The following CYTH3 variants were observed in gnomAD, a reference collection of about 807,000 sequenced individuals.
CYTH3 encodes the protein cytohesin-3.
A neutral mutation model predicts 55.1 loss-of-function variants in CYTH3; 23 were observed. The observed-to-expected ratio is 0.42, with a 90% confidence interval of 0.30 to 0.59. CYTH3 has a LOEUF of 0.59. Ranked by LOEUF, CYTH3 falls within the 20% of genes least tolerant of loss-of-function variation. The pLI, the probability that CYTH3 is intolerant of heterozygous loss-of-function variation, is 0.20. For synonymous variants in CYTH3, 249 were observed against 194.9 expected, an observed-to-expected ratio of 1.28 and a Z score of -2.31; for missense variants, 413 against 524.8, an observed-to-expected ratio of 0.79 and a Z score of 2.08.
intron 4 of CYTH3, among the ~76,000 whole-genome samples, chr7:6,184,049 C>CTTTTT (rs60634853): frequency 1.9e-4 from 9 of 46,400 alleles, no homozygotes; most frequent in Non-Finnish European, 3.1e-4. Flanking sequence ...CCCTCTGTGG[C>CTTTTT]TTTTTTTTTT....
chr7:6,234,253 G>C (rs1377081830), intron 1 of CYTH3, among the ~76,000 whole-genome samples: 1 of 152,166 alleles, frequency 6.6e-6, no homozygotes, highest in Non-Finnish European at 1.5e-5. Flanking sequence ...GAGAGTTCTG[G>C]AGTGGCCCTC....
intron 1 of CYTH3, among the ~76,000 whole-genome samples, chr7:6,211,860 C>G (rs763355270): frequency 6.6e-6 from 1 of 152,044 alleles, no homozygotes; most frequent in East Asian, 1.9e-4. Context: ...GTGGCTTGCA[C>G]TTGTCATCCC....
intron 1 of CYTH3, among the ~76,000 whole-genome samples, chr7:6,261,225 G>C (rs1350234677): frequency 1.3e-5 from 2 of 152,072 alleles, no homozygotes; most frequent in African/African-American, 4.8e-5. Flanking sequence ...ATACCAAACA[G>C]AAACAAGTGA....
intron 1 of CYTH3, among the ~76,000 whole-genome samples, chr7:6,255,758 G>GTTTTTT (rs397889923): frequency 8.6e-4 from 77 of 89,390 alleles, no homozygotes; most frequent in East Asian, 2.4e-3. Context: ...CCTTTAATCT[G>GTTTTTT]TTTTTTTTTT....
At chr7:6,231,924 C>G (rs1034808306) in intron 1 of CYTH3, among the ~76,000 whole-genome samples, 15 of 152,310 alleles carry the variant, frequency 9.8e-5, no homozygotes, top group East Asian at 1.9e-4. Context: ...CTCCAACGAG[C>G]CTGATCTCCA....
intron 9 of CYTH3, among the ~76,000 whole-genome samples, chr7:6,168,143 C>T (rs1783064463): frequency 6.6e-6 from 1 of 152,038 alleles, no homozygotes. Context: ...CGTTAGCAGG[C>T]AGGCGCGTAC....
At chr7:6,197,177 C>G (rs899617321) in intron 1 of CYTH3, among the ~76,000 whole-genome samples, 3 of 152,112 alleles carry the variant, frequency 2.0e-5, no homozygotes, top group Non-Finnish European at 4.4e-5. Context: ...CTATCTTTTC[C>G]TACCCCCTTA....
In CYTH3 at chr7:6,171,902, C is replaced by G. The variant is rs1269122629; in HGVS notation, c.450-588G>C. ...GGCTGCCCTGCCTGTAATTGGAACC[C>G]CCAGCCCAACAACCCGCCCCGCCCC... On this transcript the variant is annotated intron_variant, in intron 6 of 12. Coordinates refer to ENST00000350796, the MANE Select transcript of CYTH3 (RefSeq NM_004227.4). This position sits in a 1 kb window ranked among gnomAD's most constrained non-coding sequence, Gnocchi z 6.7. 1.9e-5 allele frequency: 3 copies of G among 154,812 alleles called. No individual in the cohort carries two copies. The highest frequency in any genetic ancestry group is 7.2e-5 in the African/African-American group (3 of 41,462). The allele number at this position is 154,812 out of a possible 1,614,324, so 9.6% of individuals were successfully genotyped here.
In CYTH3 at chr7:6,170,840, T is replaced by A. The variant is rs780641749; in HGVS notation, c.701A>T (p.Glu234Val). ...GGCCGGGGAGCTCACCCTCAGCAGCTCCTCAGGGAGGTCCCCGCCCTCGTT... is the reference window on the plus strand; with the variant it reads ...GGCCGGGGAGCTCACCCTCAGCAGCACCTCAGGGAGGTCCCCGCCCTCGTT... ...GINEGGDLPE[E>V]LLRNLYESIK... The change falls in exon 8 of 13, where the codon GAG (glutamate) becomes GTG (valine). Residue 234 changes from glutamate to valine, a missense_variant. By Grantham distance (121) the Glu-to-Val change is moderately radical. This residue lies in a region of CYTH3 where 156 missense variants were observed against 233.1 expected (regional missense o/e 0.67). Coordinates refer to ENST00000350796, the MANE Select transcript of CYTH3 (RefSeq NM_004227.4). The surrounding 1 kb of genome is among the most constrained non-coding windows in gnomAD (Gnocchi z 7.8). The A allele has an allele frequency of 6.2e-7, 1 of 1,611,782 alleles. No individual in the cohort carries two copies. Among genetic ancestry groups the A allele is most frequent in the South Asian group, 1.1e-5 (1 of 90,918 alleles).
At chr7:6,176,348 A>G (rs1315768509) in intron 5 of CYTH3, among the ~76,000 whole-genome samples, 1 of 129,586 alleles carries the variant, frequency 7.7e-6, no homozygotes, top group Non-Finnish European at 1.5e-5. Flanking sequence ...TGCAAGCTCC[A>G]CCTCCCAGGT....
intron 1 of CYTH3, among the ~76,000 whole-genome samples, chr7:6,201,364 C>T (rs369318622): frequency 1.3e-5 from 2 of 152,214 alleles, no homozygotes; most frequent in African/African-American, 4.8e-5. Flanking sequence ...GTCCGATTCT[C>T]GCCACCTCCT....
chr7:6,251,231 C>T (rs1189320671), intron 1 of CYTH3, among the ~76,000 whole-genome samples: 10 of 151,906 alleles, frequency 6.6e-5, no homozygotes, highest in African/African-American at 1.2e-4. Flanking sequence ...GCCGAGATCA[C>T]GCCATTGCAC....
At chr7:6,240,897 C>G (rs956775671) in intron 1 of CYTH3, among the ~76,000 whole-genome samples, 1 of 151,510 alleles carries the variant, frequency 6.6e-6, no homozygotes, top group Non-Finnish European at 1.5e-5. Context: ...GGGTGGATCA[C>G]GAGGTCAGAA....
chr7:6,195,138 A>G (rs1323785092), intron 1 of CYTH3, among the ~76,000 whole-genome samples: 1 of 152,194 alleles, frequency 6.6e-6, no homozygotes, highest in East Asian at 1.9e-4. Flanking sequence ...GGTTATGCCT[A>G]AAAAAAGAGA....
At chr7:6,189,248 T>C (rs1016464091) in intron 2 of CYTH3, among the ~76,000 whole-genome samples, 2 of 152,132 alleles carry the variant, frequency 1.3e-5, no homozygotes, top group Non-Finnish European at 2.9e-5. Context: ...TACCCCATCC[T>C]CTGAGTAAAG....
intron 1 of CYTH3, among the ~76,000 whole-genome samples, chr7:6,219,106 T>C (rs1366086197): frequency 2.0e-5 from 3 of 150,698 alleles, no homozygotes; most frequent in African/African-American, 7.3e-5. Context: ...TACATCTTCA[T>C]AAGCACACCG....
At chr7:6,264,327 C>T (rs1020786976) in intron 1 of CYTH3, among the ~76,000 whole-genome samples, 3 of 152,012 alleles carry the variant, frequency 2.0e-5, no homozygotes, top group African/African-American at 7.2e-5. Flanking sequence ...GAAATATATA[C>T]CAGGCTGGGC....
At position 6,177,447 on chromosome 7, in the gene CYTH3, G is replaced by C. The variant is rs1034790278; in HGVS notation, c.368+376C>G. ...TTCACTTTCCACCTTTATTCATACT[G>C]CAAGTAACAGGAGAAAGAAAACCAC... is the stretch of plus-strand genomic sequence containing the variant. On this transcript the variant is annotated intron_variant, in intron 5 of 12. Transcript: ENST00000350796. 5.3e-5 allele frequency among the ~76,000 whole-genome samples: 8 copies of C among 152,308 alleles called. No homozygotes were observed. The East Asian group carries it at 1.3e-3, about 26-fold the overall frequency.
chr7:6,164,544 A>G lies in CYTH3; in HGVS notation c.*400T>C. 4.5e-6 allele frequency: 1 copy of G among 223,270 alleles called. No homozygotes were observed. Among genetic ancestry groups the G allele is most frequent in the South Asian group, 8.5e-5 (1 of 11,718 alleles). The allele number at this position is 223,270 out of a possible 1,614,324, so 13.8% of individuals were successfully genotyped here. A position where few individuals can be genotyped will look rare whatever the true frequency, so the allele number is the denominator to read the frequency against. ...AGTGAATGCGTTTGGCATGGTACGAATGAGGCTCCCGTCTGTGGAATCCGT... is the reference window on the plus strand; with the variant it reads ...AGTGAATGCGTTTGGCATGGTACGAGTGAGGCTCCCGTCTGTGGAATCCGT... On this transcript the variant is annotated 3_prime_UTR_variant, in exon 13 of 13. Transcript: ENST00000350796.
Sources: allele counts gnomAD v4.1 joint callset (sites outside exome capture counted in the v4.1 genomes callset), GRCh38; gene constraint gnomAD v4.1.1; regional missense constraint gnomAD v4.1.1; non-coding constraint Gnocchi (gnomAD v3.1); transcripts MANE v1.5; gene names NCBI Gene and HGNC (gene_info 2026-07-23, HGNC 2026-07-21).